The following KCNK10 variants were observed in gnomAD, a reference collection of about 807,000 sequenced individuals.
KCNK10 encodes the protein potassium two pore domain channel subfamily K member 10, also known as potassium channel subfamily K member 10.
KCNK10 carries 25 observed loss-of-function variants against 47.7 expected under a neutral mutation model. That is an observed-to-expected ratio of 0.52 (90% CI 0.38 to 0.73). The LOEUF (loss-of-function observed/expected upper bound fraction) is 0.73, where lower values mean the gene tolerates loss of function less well. KCNK10 is among the 30% of genes least tolerant of loss of function. The pLI is 0.00. For synonymous variants in KCNK10, 303 were observed against 285.6 expected, an observed-to-expected ratio of 1.06 and a Z score of -0.61; for missense variants, 563 against 714.5, an observed-to-expected ratio of 0.79 and a Z score of 2.42.
chr14:88,270,360 G>A (rs1033799967), intron 1 of KCNK10, among the ~76,000 whole-genome samples: 1 of 151,930 alleles, frequency 6.6e-6, no homozygotes, highest in Admixed American at 6.6e-5. Flanking sequence ...GCTGCCTCTG[G>A]TTCCAGATAC....
At chr14:88,208,837 G>A (rs535469490) in intron 4 of KCNK10, among the ~76,000 whole-genome samples, 3 of 152,150 alleles carry the variant, frequency 2.0e-5, no homozygotes, top group East Asian at 1.9e-4. Flanking sequence ...CAACTGAGAC[G>A]AGATGCCCGA....
chr14:88,197,896 A>AGAGAGAGAGAGAGAG (rs1555359770), intron 4 of KCNK10, among the ~76,000 whole-genome samples: 22 of 117,698 alleles, frequency 1.9e-4, no homozygotes, highest in African/African-American at 8.5e-4. Flanking sequence ...GAGAGAGAGA[A>AGAGAGAGAGAGAGAG]GGGGAAAAAA....
At chr14:88,230,658 G>T (rs1886134603) in intron 3 of KCNK10, among the ~76,000 whole-genome samples, 1 of 152,110 alleles carries the variant, frequency 6.6e-6, no homozygotes, top group African/African-American at 2.4e-5. Flanking sequence ...AGTCCCACAG[G>T]GCCCACGCTT....
intron 1 of KCNK10, among the ~76,000 whole-genome samples, chr14:88,312,636 A>G (rs773281513): frequency 1.1e-4 from 16 of 152,152 alleles, no homozygotes; most frequent in Non-Finnish European, 1.8e-4. Context: ...AAAGAAAGGG[A>G]CTCTGTAAGA....
At chr14:88,298,832 C>A (rs986397344) in intron 1 of KCNK10, among the ~76,000 whole-genome samples, 2 of 152,152 alleles carry the variant, frequency 1.3e-5, no homozygotes, top group Admixed American at 6.5e-5. Flanking sequence ...AAGACCCCAA[C>A]CTTCCTTTCC....
At chr14:88,199,170 T>G (rs1885021388) in intron 4 of KCNK10, among the ~76,000 whole-genome samples, 2 of 152,136 alleles carry the variant, frequency 1.3e-5, no homozygotes, top group African/African-American at 4.8e-5. Context: ...TCCACCCGCC[T>G]CGGTCTGCCA....
chr14:88,272,388 G>A (rs1251383671), intron 1 of KCNK10, among the ~76,000 whole-genome samples: 1 of 152,110 alleles, frequency 6.6e-6, no homozygotes, highest in East Asian at 1.9e-4. Flanking sequence ...AAGAGGAGAC[G>A]AGAATGCAAA....
intron 5 of KCNK10, among the ~76,000 whole-genome samples, chr14:88,191,601 G>A (rs1336542913): frequency 6.6e-6 from 1 of 151,796 alleles, no homozygotes; most frequent in African/African-American, 2.4e-5. Context: ...TGAAATTGAT[G>A]ATTTTTTTTT....
intron 4 of KCNK10, among the ~76,000 whole-genome samples, chr14:88,203,857 G>C (rs1472956924): frequency 6.6e-6 from 1 of 152,192 alleles, no homozygotes; most frequent in Non-Finnish European, 1.5e-5. Flanking sequence ...CTGTGGCCAG[G>C]ACACGGTGAC....
At position 88,322,227 on chromosome 14, in the gene KCNK10, C is replaced by G. The variant is rs1388237270; in HGVS notation, c.52+520G>C. On this transcript the variant is annotated intron_variant, in intron 1 of 6. Transcript: ENST00000319231. The surrounding 1 kb of genome is among the most constrained non-coding windows in gnomAD (Gnocchi z 4.8). ...GAAGACTCAGGAGGCCCTGTGGGCT[C>G]CATTATTCTGCATGCCCTGCGAGAA... Among the ~76,000 whole-genome samples, 1 of 152,112 alleles carries G rather than the reference C, an allele frequency of 6.6e-6. No homozygotes were observed. Among genetic ancestry groups the G allele is most frequent in the Non-Finnish European group, 1.5e-5 (1 of 68,032 alleles).
chr14:88,268,149 T>C (rs1887314284), intron 1 of KCNK10, among the ~76,000 whole-genome samples: 1 of 152,000 alleles, frequency 6.6e-6, no homozygotes, highest in Admixed American at 6.5e-5. Flanking sequence ...AAGGAGGAGG[T>C]AAGCATCTTC....
At chr14:88,245,014 C>T (rs1278734880) in intron 2 of KCNK10, among the ~76,000 whole-genome samples, 2 of 152,166 alleles carry the variant, frequency 1.3e-5, no homozygotes, top group East Asian at 1.9e-4. Flanking sequence ...TTCCATTCCT[C>T]CTTGAATTTC....
intron 1 of KCNK10, among the ~76,000 whole-genome samples, chr14:88,286,613 C>T (rs537863993): frequency 2.0e-5 from 3 of 152,216 alleles, no homozygotes; most frequent in African/African-American, 7.2e-5. Context: ...GAAAAAGAGG[C>T]TTAATGGACT....
At chr14:88,277,907 T>C (rs949370639) in intron 1 of KCNK10, among the ~76,000 whole-genome samples, 1 of 152,234 alleles carries the variant, frequency 6.6e-6, no homozygotes, top group African/African-American at 2.4e-5. Flanking sequence ...TTCCTCTAGA[T>C]GCCCCTTGAA....
Position 88,263,567 on chromosome 14 carries a change from G to A in KCNK10, c.53-16C>T, listed in dbSNP as rs764502087. ...GGAACGGCCACTGAGGAGTCAGGGTGGGGGACAAAGAAGAAGAGAGTTTGT... is the reference window on the plus strand; with the variant it reads ...GGAACGGCCACTGAGGAGTCAGGGTAGGGGACAAAGAAGAAGAGAGTTTGT... On this transcript the variant is annotated splice_polypyrimidine_tract_variant and intron_variant, in intron 1 of 6. Coordinates refer to ENST00000319231, the MANE Select transcript of KCNK10 (RefSeq NM_138317.3). 6.3e-7 allele frequency: 1 copy of A among 1,597,568 alleles called. No individual in the cohort carries two copies. Among genetic ancestry groups the A allele is most frequent in the Admixed American group, 1.7e-5 (1 of 59,566 alleles).
intron 5 of KCNK10, among the ~76,000 whole-genome samples, chr14:88,191,260 A>G (rs1884737542): frequency 7.1e-6 from 1 of 141,680 alleles, no homozygotes; most frequent in African/African-American, 2.6e-5. Context: ...AAAAAAAACA[A>G]AAACAAAAAC....
At chr14:88,217,373 C>T (rs1885656388) in intron 4 of KCNK10, among the ~76,000 whole-genome samples, 1 of 152,128 alleles carries the variant, frequency 6.6e-6, no homozygotes, top group Admixed American at 6.5e-5. Context: ...CAGCCTACCA[C>T]TCTGCCCTCC....
chr14:88,204,372 A>G (rs997773921), intron 4 of KCNK10, among the ~76,000 whole-genome samples: 2 of 152,220 alleles, frequency 1.3e-5, no homozygotes, highest in Non-Finnish European at 2.9e-5. Context: ...CCATGGTAAC[A>G]TAAGAGGGAT....
chr14:88,256,112 G>A (rs1886947929), intron 2 of KCNK10, among the ~76,000 whole-genome samples: 1 of 152,190 alleles, frequency 6.6e-6, no homozygotes, highest in Admixed American at 6.5e-5. Flanking sequence ...GAACTGCTGA[G>A]CCCCAGCTCG....
Sources: allele counts gnomAD v4.1 joint callset (sites outside exome capture counted in the v4.1 genomes callset), GRCh38; gene constraint gnomAD v4.1.1; non-coding constraint Gnocchi (gnomAD v3.1); transcripts MANE v1.5; gene names NCBI Gene and HGNC (gene_info 2026-07-23, HGNC 2026-07-21).